The following DOT1L variants were observed in gnomAD, a reference collection of about 807,000 sequenced individuals.
DOT1L encodes the protein DOT1 like histone lysine methyltransferase.
In DOT1L, 33 loss-of-function variants were observed where a neutral mutation model predicts 153.3. The observed-to-expected ratio is 0.22, with a 90% CI of 0.16 to 0.29. The LOEUF is 0.29. DOT1L is among the 10% of genes least tolerant of loss of function. The pLI is 1.00. For missense variants in DOT1L, 1,847 were observed against 2,119.9 expected (o/e 0.87, Z 2.53); for synonymous variants, 1,135 against 965.1 (o/e 1.18, Z -3.26).
chr19:2,198,140 G>C (rs551104450), intron 7 of DOT1L, among the ~76,000 whole-genome samples: 1 of 152,200 alleles, frequency 6.6e-6, no homozygotes, highest in Admixed American at 6.5e-5. Flanking sequence ...GAGCGTGGGG[G>C]ACCCCAGGGA....
chr19:2,216,115 C>T lies in DOT1L; in HGVS notation c.1924-166C>T, dbSNP rs2023887863. 2.6e-5 allele frequency: 26 copies of T among 1,003,534 alleles called. No individual in the cohort carries two copies. The South Asian group carries it at 3.9e-4, about 15-fold the overall frequency. The allele number at this position is 1,003,534 out of a possible 1,614,324, so 62.2% of individuals were successfully genotyped here. On this transcript the variant is annotated intron_variant, in intron 19 of 27. Coordinates refer to ENST00000398665, the MANE Select transcript of DOT1L (RefSeq NM_032482.3). ...CCTCCACATGACTTTATTTGACGCC[C>T]CCAGCTTCCCGACCCCGCCTCTATG...
At chr19:2,215,131 G>T (rs577274552) in intron 19 of DOT1L, among the ~76,000 whole-genome samples, 1 of 152,198 alleles carries the variant, frequency 6.6e-6, no homozygotes, top group Non-Finnish European at 1.5e-5. Context: ...CAGGAGTTCT[G>T]GCTCCCAGGA....
rs181535808 is a variant in DOT1L at position 2,187,143 on chromosome 19, C to T, written c.200+1214C>T. Among the ~76,000 whole-genome samples the T allele has an allele frequency of 1.4e-3, 214 of 152,352 alleles. No homozygotes were observed. In the Middle Eastern group the frequency reaches 0.027, roughly 19 times the overall value. ...CCTCACCCAGGAGCCCCCCACAAGT[C>T]GCTTCCTTACAACAGAAGACACTCC... On this transcript the variant is annotated intron_variant, in intron 3 of 27. Transcript: ENST00000398665.
Position 2,213,875 on chromosome 19 carries a change from C to T in DOT1L, c.1686C>T (p.Asn562=), listed in dbSNP as rs775247239. ...TGGGTGTGAAGGCGCTGACCTACAA[C>T]GACCTGATTCAAGCGCAGAAGGAGA... ...DELGVKALTY[N]DLIQAQKEIS... is the part of the protein sequence containing the mutation. The change falls in exon 18 of 28, where the codon AAC becomes AAT. Residue 562 remains asparagine, a synonymous_variant. Coordinates refer to ENST00000398665, the MANE Select transcript of DOT1L (RefSeq NM_032482.3). 9 of 1,613,146 alleles carry T rather than the reference C, an allele frequency of 5.6e-6. No homozygotes were observed. Among genetic ancestry groups the T allele is most frequent in the East Asian group, 4.5e-5 (2 of 44,894 alleles).
At chr19:2,170,412 G>C (rs2021550004) in intron 1 of DOT1L, among the ~76,000 whole-genome samples, 1 of 152,162 alleles carries the variant, frequency 6.6e-6, no homozygotes, top group South Asian at 2.1e-4. Context: ...TTCCAGCAGT[G>C]TGAGGTGTAG....
rs964371408 is a variant in DOT1L at position 2,232,171 on chromosome 19, C to T, written c.*2379C>T. ...GCTGCTGCTGCTGACTGTGGGTGGG[C>T]GGGCGGCGCCTGGGAGTGGCTCTTG... On this transcript the variant is annotated 3_prime_UTR_variant, in exon 28 of 28. Transcript: ENST00000398665. 7.7e-5 allele frequency: 16 copies of T among 207,090 alleles called. No homozygotes were observed. The highest frequency in any genetic ancestry group is 1.9e-4 in the South Asian group (1 of 5,318). 12.8% of individuals were successfully genotyped at this position (207,090 alleles called of 1,614,324 possible).
chr19:2,211,985 A>G (rs995285259), intron 16 of DOT1L, 143 bp downstream of exon 16: 6 of 712,046 alleles, frequency 8.4e-6, no homozygotes, highest in East Asian at 2.8e-5. Context: ...GCGAGAAACA[A>G]ACCTACCCGT....
Position 2,210,815 on chromosome 19 carries a change from C to T in DOT1L, c.1311C>T (p.His437=), listed in dbSNP as rs761982657. ...ACCAAACTGCACTGGATGCCCTGCA[C>T]GCTCAGACCGTGTCTCAGACGGCGG... ...KKNQTALDAL[H]AQTVSQTAAS... The change falls in exon 14 of 28, where the codon CAC becomes CAT. Residue 437 remains histidine (H), a synonymous_variant. Coordinates refer to ENST00000398665, the MANE Select transcript of DOT1L (RefSeq NM_032482.3). 2.4e-5 allele frequency: 38 copies of T among 1,612,846 alleles called. No homozygotes were observed. The highest frequency in any genetic ancestry group is 8.9e-5 in the East Asian group (4 of 44,844).
intron 1 of DOT1L, among the ~76,000 whole-genome samples, chr19:2,170,676 G>A (rs1395357006): frequency 6.6e-6 from 1 of 152,154 alleles, no homozygotes; most frequent in Non-Finnish European, 1.5e-5. Flanking sequence ...TGACCGGTCG[G>A]CTGTAAATCC....
At position 2,186,924 on chromosome 19, in the gene DOT1L, A is replaced by C. The variant is rs564910429; in HGVS notation, c.200+995A>C. Among the ~76,000 whole-genome samples, 411 of 152,306 alleles carry C rather than the reference A, an allele frequency of 2.7e-3. 2 individuals carry two copies. The highest frequency in any genetic ancestry group is 5.4e-3 in the Admixed American group (83 of 15,308). On this transcript the variant is annotated intron_variant, in intron 3 of 27. Coordinates refer to ENST00000398665, the MANE Select transcript of DOT1L (RefSeq NM_032482.3). ...ATGCAGCGTGCAGATCAACAGCCGC[A>C]TGGCAGGGTCCACAGGGAGGGGCCT...
In DOT1L at chr19:2,220,339, T is replaced by A; in HGVS notation, c.2806+117T>A. 2.9e-6 allele frequency: 3 copies of A among 1,026,510 alleles called. No homozygotes were observed. Among genetic ancestry groups the A allele is most frequent in the Non-Finnish European group, 4.4e-6 (3 of 680,208 alleles). The allele number at this position is 1,026,510 out of a possible 1,614,324, so 63.6% of individuals were successfully genotyped here. ...TTCCTGGGGTGATCATGGGGGCTGC[T>A]GCCCCAAACCGCCACGCCTCATTAC... On this transcript the variant is annotated intron_variant, in intron 23 of 27. Transcript: ENST00000398665. The surrounding 1 kb of genome is among the most constrained non-coding windows in gnomAD (Gnocchi z 4.5).
chr19:2,209,462 C>T (rs1397856986), intron 12 of DOT1L, among the ~76,000 whole-genome samples: 1 of 152,218 alleles, frequency 6.6e-6, no homozygotes, highest in Non-Finnish European at 1.5e-5. Flanking sequence ...CTGGCTGCCC[C>T]CTCTTGAGGC....
intron 13 of DOT1L, 46 bp from the exon 14 acceptor site, chr19:2,210,575 G>T: frequency 6.3e-7 from 1 of 1,598,094 alleles, no homozygotes; most frequent in Non-Finnish European, 8.5e-7. Context: ...GACCCCATGG[G>T]TGGGAGGCTC....
chr19:2,216,400 C>T lies in DOT1L; in HGVS notation c.2043C>T (p.Arg681=), dbSNP rs779548078. ...TGCGTGGGAAGGGCGCCCTGGGCCGCGAGCTGGAGCCTGACGCCAGCCGGC... is the reference window on the plus strand; with the variant it reads ...TGCGTGGGAAGGGCGCCCTGGGCCGTGAGCTGGAGCCTGACGCCAGCCGGC... ...LHLRGKGALG[R]ELEPDASRLH... The change falls in exon 20 of 28, where the codon CGC becomes CGT. Residue 681 remains arginine (R), a synonymous_variant. Transcript: ENST00000398665. 22 of 1,612,296 alleles carry T rather than the reference C, an allele frequency of 1.4e-5. No individual in the cohort carries two copies. Among genetic ancestry groups the T allele is most frequent in the African/African-American group, 8.0e-5 (6 of 74,936 alleles).
intron 1 of DOT1L, among the ~76,000 whole-genome samples, chr19:2,167,064 A>G (rs2019949445): frequency 1.3e-5 from 2 of 152,224 alleles, no homozygotes; most frequent in South Asian, 2.1e-4. Flanking sequence ...TCCATTGGAC[A>G]GTTGGGCCAC....
Position 2,222,167 on chromosome 19 carries a change from G to C in DOT1L, c.2998G>C (p.Ala1000Pro), listed in dbSNP as rs1379043572. Reference protein sequence around the residue: ...LLAQPRNSLPASPAHQLSSSP... With the variant: ...LLAQPRNSLPPSPAHQLSSSP... The stretch of plus-strand genomic sequence containing the variant: ...GGCACAGCCCCGGAACTCGCTTCCT[G>C]CCTCTCCCGCCCACCAGCTCTCCTC... Residue 1000 changes from alanine (A) to proline (P), a missense_variant, in exon 24 of 28, where the codon GCC becomes CCC. Ala to Pro is a conservative substitution (Grantham distance 27). Coordinates refer to ENST00000398665, the MANE Select transcript of DOT1L (RefSeq NM_032482.3). The surrounding 1 kb of genome is among the most constrained non-coding windows in gnomAD (Gnocchi z 6.5). The C allele has an allele frequency of 6.2e-7, 1 of 1,612,948 alleles. No homozygotes were observed. The highest frequency in any genetic ancestry group is 8.5e-7 in the Non-Finnish European group (1 of 1,179,860).
At position 2,227,179 on chromosome 19, in the gene DOT1L, CCCTT is replaced by C. The variant is rs774169789; in HGVS notation, c.4606+57_4606+60del. On this transcript the variant is annotated intron_variant, in intron 27 of 27. Transcript: ENST00000398665. Reference sequence around the variant, plus strand: ...CCCCGCCCCGGCCCCCGCCGGAGGCCCCTTCCTTTGCAGGTTCCCTTCCGCACTC... The same window carrying C: ...CCCCGCCCCGGCCCCCGCCGGAGGCCCCTTTGCAGGTTCCCTTCCGCACTC... The C allele has an allele frequency of 2.5e-6, 4 of 1,581,756 alleles. No individual in the cohort carries two copies. In the East Asian group the frequency reaches 9.0e-5, roughly 36 times the overall value.
rs117881643 is a variant in DOT1L, at chr19:2,198,296, G to A, written c.652-1588G>A. On this transcript the variant is annotated intron_variant, in intron 7 of 27. Coordinates refer to ENST00000398665, the MANE Select transcript of DOT1L (RefSeq NM_032482.3). The stretch of plus-strand genomic sequence containing the variant: ...TGTCAGGTGTGGAGAGGGAGGAGAC[G>A]GGTGTGGGGGGTGGCCCAGCACCTG... Among the ~76,000 whole-genome samples, 1,219 of 152,322 alleles carry A rather than the reference G, an allele frequency of 8.0e-3. 14 individuals carry two copies. The highest frequency in any genetic ancestry group is 0.024 in the Middle Eastern group (7 of 294).
intron 1 of DOT1L, among the ~76,000 whole-genome samples, chr19:2,178,790 C>T (rs796587454): frequency 2.6e-5 from 4 of 152,252 alleles, no homozygotes; most frequent in African/African-American, 9.6e-5. Flanking sequence ...TGGTCTCTAT[C>T]TCCTGACCTC....
Sources: allele counts gnomAD v4.1 joint callset (sites outside exome capture counted in the v4.1 genomes callset), GRCh38; gene constraint gnomAD v4.1.1; non-coding constraint Gnocchi (gnomAD v3.1); transcripts MANE v1.5; gene names NCBI Gene and HGNC (gene_info 2026-07-23, HGNC 2026-07-21).